RUFY2: variants seen among roughly 807,000 people sequenced by gnomAD.
The protein encoded by RUFY2 is RUN and FYVE domain-containing protein 2.
In RUFY2, 49 loss-of-function variants were observed where a neutral mutation model predicts 94.4. That is an observed-to-expected ratio of 0.52 (90% CI 0.41 to 0.66). The LOEUF is 0.66. RUFY2 is among the 30% of genes least tolerant of loss of function. RUFY2 has a pLI of 0.00. For synonymous variants in RUFY2, 255 were observed against 235.7 expected, an observed-to-expected ratio of 1.08 and a Z score of -0.75; for missense variants, 541 against 692.8, an observed-to-expected ratio of 0.78 and a Z score of 2.46.
At chr10:68,365,322 C>T (rs1023029521) in intron 13 of RUFY2, among the ~76,000 whole-genome samples, 2 of 152,216 alleles carry the variant, frequency 1.3e-5, no homozygotes, top group Non-Finnish European at 2.9e-5. Context: ...CCCACTAGCA[C>T]CACTGTCTGT....
Position 68,394,525 on chromosome 10 carries a change from T to C in RUFY2, c.399-74A>G, listed in dbSNP as rs190466103. 2,535 of 1,040,160 alleles carry C rather than the reference T, an allele frequency of 2.4e-3. 25 individuals are homozygous for C. Among genetic ancestry groups the C allele is most frequent in the South Asian group, 0.013 (916 of 71,558 alleles). The allele number at this position is 1,040,160 out of a possible 1,614,324, so 64.4% of individuals were successfully genotyped here. ...AAACTAAAATTTAAAATCACCATTA[T>C]CTTCCTAATCTTCTACCTTACAGAA... On this transcript the variant is annotated intron_variant, in intron 4 of 17. Transcript: ENST00000602465.
At chr10:68,349,639 C>T (rs960628285) in intron 16 of RUFY2, among the ~76,000 whole-genome samples, 5 of 150,828 alleles carry the variant, frequency 3.3e-5, no homozygotes, top group African/African-American at 7.3e-5. Context: ...CCCGGGTTCG[C>T]GCCATTCTCC....
At chr10:68,349,429 G>T (rs570042140) in intron 16 of RUFY2, among the ~76,000 whole-genome samples, 28 of 151,868 alleles carry the variant, frequency 1.8e-4, no homozygotes, top group African/African-American at 6.3e-4. Context: ...CTGAGGGGGG[G>T]AGGATTGCTT....
At chr10:68,407,009 G>A (rs1041041889) in intron 1 of RUFY2, 177 bp downstream of exon 1, 2 of 1,497,338 alleles carry the variant, frequency 1.3e-6, no homozygotes, top group East Asian at 2.5e-5. Flanking sequence ...GGGGCGCGTT[G>A]CCATGACGAC....
At position 68,381,312 on chromosome 10, in the gene RUFY2, T is replaced by G. The variant is rs2049041849; in HGVS notation, c.1027A>C (p.Lys343Gln). The G allele has an allele frequency of 6.2e-7, 1 of 1,613,928 alleles. No individual in the cohort carries two copies. Among genetic ancestry groups the G allele is most frequent in the Admixed American group, 1.7e-5 (1 of 59,988 alleles). The change falls in exon 11 of 18, where the codon AAA (lysine) becomes CAA (glutamine). Residue 343 changes from lysine to glutamine, a missense_variant. Coordinates refer to ENST00000602465, the MANE Select transcript of RUFY2 (RefSeq NM_001330103.2). ...MKLLEKDIHE[K>Q]QDTLIGLRQQ... ...CGAAGGCCTATCAGAGTATCTTGTT[T>G]CTCATGGATATCTTTCTCCAGCAAC... is the stretch of plus-strand genomic sequence containing the variant.
At chr10:68,401,217 T>C (rs2050821704) in intron 3 of RUFY2, among the ~76,000 whole-genome samples, 2 of 152,212 alleles carry the variant, frequency 1.3e-5, no homozygotes, top group African/African-American at 2.4e-5. Context: ...GGTATACAAC[T>C]GGCTTATCTG....
chr10:68,361,257 C>G (rs2132460586), intron 15 of RUFY2, among the ~76,000 whole-genome samples: 1 of 152,036 alleles, frequency 6.6e-6, no homozygotes, highest in Non-Finnish European at 1.5e-5. Flanking sequence ...CCAGCCTGGG[C>G]AACAAGAGCG....
At chr10:68,354,852 T>C (rs2046932634) in intron 16 of RUFY2, among the ~76,000 whole-genome samples, 1 of 126,752 alleles carries the variant, frequency 7.9e-6, no homozygotes, top group Admixed American at 7.4e-5. Context: ...TCAGTTTCTT[T>C]TTTTTTTTTT....
intron 13 of RUFY2, among the ~76,000 whole-genome samples, chr10:68,371,315 A>T (rs2048262046): frequency 6.6e-6 from 1 of 151,574 alleles, no homozygotes; most frequent in African/African-American, 2.4e-5. Context: ...CCAGCTACTC[A>T]GGAGGCTGAG....
intron 15 of RUFY2, among the ~76,000 whole-genome samples, chr10:68,362,617 C>T (rs970481553): frequency 3.3e-5 from 5 of 151,858 alleles, no homozygotes; most frequent in Admixed American, 6.6e-5. Flanking sequence ...CATGCAAGAC[C>T]CCATCTCTAT....
chr10:68,400,968 G>C (rs918961580), intron 3 of RUFY2, among the ~76,000 whole-genome samples: 1 of 152,052 alleles, frequency 6.6e-6, no homozygotes, highest in Non-Finnish European at 1.5e-5. Flanking sequence ...AGCCGAGATC[G>C]TGCCACTGCA....
intron 3 of RUFY2, among the ~76,000 whole-genome samples, chr10:68,399,548 T>C (rs1156419336): frequency 6.6e-6 from 1 of 152,242 alleles, no homozygotes; most frequent in Non-Finnish European, 1.5e-5. Flanking sequence ...AGCCACTTAC[T>C]TTTATCACTC....
intron 15 of RUFY2, among the ~76,000 whole-genome samples, chr10:68,360,397 A>G (rs1422121947): frequency 1.3e-5 from 2 of 151,864 alleles, no homozygotes; most frequent in Non-Finnish European, 2.9e-5. Flanking sequence ...GGAGTTTGAG[A>G]CCAGCCTGGG....
chr10:68,394,439 C>G lies in RUFY2; in HGVS notation c.411G>C (p.Glu137Asp). The part of the protein sequence containing the change: ...IQRDLLSEFY[E>D]YHALMMEEEG... ...CTTCTTCCATCATTAGTGCGTGATA[C>G]TCATAAAACTCACTGTGAAAATTTA... is the stretch of plus-strand genomic sequence containing the variant. Residue 137 changes from glutamate (E) to aspartate (D), a missense_variant, in exon 5 of 18, where the codon GAG (glutamate) becomes GAC (aspartate). By Grantham distance (45) the Glu-to-Asp change is conservative (BLOSUM62 2). Transcript: ENST00000602465. 6.2e-7 allele frequency: 1 copy of G among 1,607,958 alleles called. No homozygotes were observed.
At chr10:68,395,157 G>A (rs1250372960) in intron 4 of RUFY2, among the ~76,000 whole-genome samples, 1 of 151,858 alleles carries the variant, frequency 6.6e-6, no homozygotes, top group Admixed American at 6.6e-5. Context: ...GGCCAACATG[G>A]TGAAACCTCA....
chr10:68,402,255 G>A (rs988562016), intron 2 of RUFY2, among the ~76,000 whole-genome samples: 1 of 151,776 alleles, frequency 6.6e-6, no homozygotes, highest in African/African-American at 2.4e-5. Context: ...GAACCACCAC[G>A]CCCAGCCTAA....
intron 10 of RUFY2, among the ~76,000 whole-genome samples, chr10:68,383,094 G>A (rs571554212): frequency 6.6e-6 from 1 of 152,080 alleles, no homozygotes; most frequent in East Asian, 1.9e-4. Context: ...GGAGGCCAAG[G>A]CAGGTGGATC....
At chr10:68,365,986 T>C (rs1341502574) in intron 13 of RUFY2, among the ~76,000 whole-genome samples, 1 of 152,144 alleles carries the variant, frequency 6.6e-6, no homozygotes, top group Non-Finnish European at 1.5e-5. Context: ...TATAAATATA[T>C]TGTAAGAATA....
rs751303681 is a variant in RUFY2 at position 68,379,460 on chromosome 10, T to C, written c.1169A>G (p.Asn390Ser). The C allele has an allele frequency of 9.3e-6, 15 of 1,613,168 alleles. No homozygotes were observed. The highest frequency in any genetic ancestry group is 2.2e-5 in the South Asian group (2 of 90,860). Residue 390 changes from asparagine to serine, a missense_variant, in exon 12 of 18, where the codon AAT becomes AGT. Transcript: ENST00000602465. ...CTGCCTCATGGCTGCAGTAATTTTA[T>C]TGGTTTTTTCTTCTAGTCGGGCAAT... is the stretch of plus-strand genomic sequence containing the variant. The part of the protein sequence containing the change: ...EIIARLEEKT[N>S]KITAAMRQLE...
Sources: allele counts gnomAD v4.1 joint callset (sites outside exome capture counted in the v4.1 genomes callset), GRCh38; gene constraint gnomAD v4.1.1; transcripts MANE v1.5; gene names NCBI Gene and HGNC (gene_info 2026-07-23, HGNC 2026-07-21).